Variants in EXOC1 observed in about 807,000 individuals in gnomAD.
EXOC1 encodes the protein exocyst complex component 1, also known as SEC3-like 1.
In EXOC1, 67 loss-of-function variants were observed where a neutral mutation model predicts 107.7. That is an observed-to-expected ratio of 0.62 (90% confidence interval 0.51 to 0.76). EXOC1 has a LOEUF of 0.76. Among genes scored for constraint, EXOC1 ranks in the 30% least tolerant of loss-of-function variants. EXOC1 has a pLI of 0.00. For synonymous variants in EXOC1, 348 were observed against 353.5 expected (o/e 0.98, Z 0.17); for missense variants, 833 against 1,055.7 (o/e 0.79, Z 2.92).
chr4:55,857,192 T>TTTTTTC (rs1721070114), intron 1 of EXOC1, among the ~76,000 whole-genome samples: 1 of 132,536 alleles, frequency 7.5e-6, no homozygotes, highest in African/African-American at 2.9e-5. Context: ...TTTTTTTTTT[T>TTTTTTC]TTTGGAGACA....
chr4:55,891,602 A>T (rs1207496773), intron 13 of EXOC1, among the ~76,000 whole-genome samples, 180 bp downstream of exon 13: 4 of 152,208 alleles, frequency 2.6e-5, no homozygotes, highest in Non-Finnish European at 5.9e-5. Flanking sequence ...AGATGATAAA[A>T]ACAGTGACAG....
chr4:55,880,148 A>G (rs553083405), intron 9 of EXOC1, among the ~76,000 whole-genome samples: 1 of 152,134 alleles, frequency 6.6e-6, no homozygotes, highest in Non-Finnish European at 1.5e-5. Context: ...ACAGTAGGAC[A>G]TTTTTATGTA....
At chr4:55,878,587 T>C (rs1277105765) in intron 9 of EXOC1, among the ~76,000 whole-genome samples, 1 of 152,166 alleles carries the variant, frequency 6.6e-6, no homozygotes, top group East Asian at 1.9e-4. Context: ...ATTTTAAGCA[T>C]GTGGCAGTAT....
intron 15 of EXOC1, 31 bp downstream of exon 15, chr4:55,893,811 G>C (rs1724859237): frequency 3.2e-6 from 5 of 1,557,772 alleles, no homozygotes; most frequent in Non-Finnish European, 4.4e-6. Flanking sequence ...AAATACCTTA[G>C]CATCCTAGTC....
chr4:55,890,415 A>C (rs1020346517), intron 12 of EXOC1, 29 bp downstream of exon 12: 3 of 1,603,040 alleles, frequency 1.9e-6, no homozygotes, highest in Non-Finnish European at 2.6e-6. Flanking sequence ...TACTTCTTAA[A>C]CATTAACATT....
intron 10 of EXOC1, among the ~76,000 whole-genome samples, chr4:55,887,919 AG>A (rs749128653): frequency 0.081 from 12,265 of 152,248 alleles, 632 homozygotes; most frequent in East Asian, 0.15. Flanking sequence ...CAGGTAGCCA[AG>A]GCTAGAAAGA....
intron 8 of EXOC1, chr4:55,875,966 A>G: frequency 2.1e-6 from 2 of 950,720 alleles, no homozygotes; most frequent in Non-Finnish European, 2.5e-6. Context: ...TAAAACTATA[A>G]TATCTATATC....
chr4:55,864,194 A>G (rs1721750343), intron 3 of EXOC1, 33 bp from the exon 4 acceptor site: 1 of 1,371,636 alleles, frequency 7.3e-7, no homozygotes. Flanking sequence ...GGATGTGATC[A>G]AAAATAATAT....
intron 8 of EXOC1, chr4:55,875,945 AT>A: frequency 1.1e-6 from 1 of 935,572 alleles, no homozygotes; most frequent in Non-Finnish European, 1.3e-6. Flanking sequence ...ATTTGGAGAC[AT>A]TTATAGACCT....
intron 8 of EXOC1, 48 bp downstream of exon 8, chr4:55,872,006 A>C: frequency 6.6e-7 from 1 of 1,511,530 alleles, no homozygotes; most frequent in South Asian, 1.2e-5. Context: ...TAGCTTATTT[A>C]TGTATTAACC....
Position 55,870,766 on chromosome 4 carries a change from T to C in EXOC1, c.692T>C (p.Ile231Thr), listed in dbSNP as rs1352049152. 1.2e-6 allele frequency: 2 copies of C among 1,613,868 alleles called. No individual in the cohort carries two copies. The highest frequency in any genetic ancestry group is 1.1e-5 in the South Asian group (1 of 91,084). The change falls in exon 6 of 19, where the codon ATT becomes ACT. Residue 231 changes from isoleucine (I) to threonine (T), a missense_variant. By Grantham distance (89) the Ile-to-Thr change is moderately conservative. Around this residue, in one of 2 missense-constraint regions of EXOC1, gnomAD observed 617 missense variants for 701.3 expected, o/e 0.88. Coordinates refer to ENST00000381295, the MANE Select transcript of EXOC1 (RefSeq NM_001024924.2). ...LDEALKEVDQ[I>T]ELKLSSYEEM... is the part of the protein sequence containing the mutation. ...GAGGCTCTAAAGGAGGTAGATCAGATTGAATTGAAACTGAGCAGTTATGAG... is the reference window on the plus strand; with the variant it reads ...GAGGCTCTAAAGGAGGTAGATCAGACTGAATTGAAACTGAGCAGTTATGAG...
chr4:55,885,983 T>C (rs1200301023), intron 10 of EXOC1, among the ~76,000 whole-genome samples: 2 of 152,202 alleles, frequency 1.3e-5, no homozygotes, highest in African/African-American at 2.4e-5. Context: ...TTTTTTTATT[T>C]TACAGTAGTT....
intron 9 of EXOC1, 194 bp from the exon 10 acceptor site, chr4:55,883,629 G>A (rs552402017): frequency 8.3e-5 from 34 of 407,550 alleles, no homozygotes; most frequent in Middle Eastern, 6.6e-4. Flanking sequence ...TCATATTTTT[G>A]TAAATTGTTA....
At chr4:55,888,274 C>T (rs1403966945) in intron 10 of EXOC1, among the ~76,000 whole-genome samples, 1 of 152,154 alleles carries the variant, frequency 6.6e-6, no homozygotes, top group Non-Finnish European at 1.5e-5. Context: ...TTTATTCATA[C>T]ATCTGATTGT....
chr4:55,899,909 T>G (rs774259764), intron 17 of EXOC1, 25 bp downstream of exon 17: 1 of 1,586,830 alleles, frequency 6.3e-7, no homozygotes, highest in Non-Finnish European at 8.6e-7. Context: ...ATTCAGTATT[T>G]TTCCTACTTT....
rs1477584431 is a variant in EXOC1, at chr4:55,868,358, T to G, written c.438T>G (p.Asn146Lys). Residue 146 changes from asparagine (N) to lysine (K), a missense_variant, in exon 5 of 19, where the codon AAT becomes AAG. Around this residue, in one of 2 missense-constraint regions of EXOC1, gnomAD observed 617 missense variants for 701.3 expected, o/e 0.88. Transcript: ENST00000381295. ...LLEESVPSGE[N>K]QSVTGGDEEV... Reference sequence around the variant, plus strand: ...AAGAATCTGTTCCAAGTGGAGAAAATCAGAGTGTGACAGGAGGTGATGAAG... The same window carrying G: ...AAGAATCTGTTCCAAGTGGAGAAAAGCAGAGTGTGACAGGAGGTGATGAAG... 1 of 1,612,114 alleles carries G rather than the reference T, an allele frequency of 6.2e-7. No homozygotes were observed. The highest frequency in any genetic ancestry group is 2.2e-5 in the East Asian group (1 of 44,842).
At position 55,869,019 on chromosome 4, in the gene EXOC1, A is replaced by G. The variant is rs189319344; in HGVS notation, c.603+496A>G. Among the ~76,000 whole-genome samples the G allele has an allele frequency of 8.0e-4, 122 of 152,310 alleles. 1 individual carries two copies. Among genetic ancestry groups the G allele is most frequent in the African/African-American group, 2.8e-3 (117 of 41,576 alleles). On this transcript the variant is annotated intron_variant, in intron 5 of 18. Transcript: ENST00000381295. ...AAAAGATCTGTGACTTCTTTGCTAAAATGTTTTAGAATAGACCTTTTTGTT... is the reference window on the plus strand; with the variant it reads ...AAAAGATCTGTGACTTCTTTGCTAAGATGTTTTAGAATAGACCTTTTTGTT...
At chr4:55,862,910 G>C (rs1051812644) in intron 3 of EXOC1, among the ~76,000 whole-genome samples, 1 of 152,028 alleles carries the variant, frequency 6.6e-6, no homozygotes, top group Non-Finnish European at 1.5e-5. Flanking sequence ...TTGTCTGCTT[G>C]TTTGTTTTGA....
intron 8 of EXOC1, among the ~76,000 whole-genome samples, chr4:55,875,126 G>A (rs1722771741): frequency 6.6e-6 from 1 of 152,142 alleles, no homozygotes; most frequent in South Asian, 2.1e-4. Flanking sequence ...AACTGAAGTT[G>A]TGGAACTTTT....
Sources: gnomAD v4.1 joint callset for allele counts (sites outside exome capture counted in the v4.1 genomes callset) on GRCh38, gnomAD v4.1.1 for gene constraint, gnomAD v4.1.1 regional missense constraint, MANE v1.5 for transcripts, NCBI Gene and HGNC (gene_info 2026-07-23, HGNC 2026-07-21) for gene names.